The following UNC80 variants were observed in gnomAD, a reference collection of about 807,000 sequenced individuals.
The protein encoded by UNC80 is unc-80 subunit of NALCN channel complex.
Under a neutral mutation model 384.6 loss-of-function variants are expected in UNC80, and 164 were observed. That is an observed-to-expected ratio of 0.43 (90% CI 0.38 to 0.49). UNC80 has a LOEUF of 0.49. UNC80 is among the 20% of genes least tolerant of loss of function. The probability of loss-of-function intolerance (pLI) is 0.00; values close to 1 mark genes in which losing one functional copy is unlikely to be tolerated. For synonymous variants in UNC80, 1,486 were observed against 1,527.8 expected (o/e 0.97, Z 0.64); for missense variants, 3,330 against 4,143.0 (o/e 0.80, Z 5.39).
chr2:209,941,940 T>C (rs1358023839), intron 44 of UNC80, among the ~76,000 whole-genome samples: 1 of 152,094 alleles, frequency 6.6e-6, no homozygotes, highest in Non-Finnish European at 1.5e-5. Context: ...GAAAGAGAAA[T>C]GCACATTCTT....
intron 22 of UNC80, among the ~76,000 whole-genome samples, chr2:209,858,945 T>C (rs888048006): frequency 6.6e-6 from 1 of 152,172 alleles, no homozygotes. Flanking sequence ...TGCTTTGGTA[T>C]AGTTTCACAT....
chr2:209,816,911 C>A lies in UNC80; in HGVS notation c.1338C>A (p.Phe446Leu). Residue 446 changes from phenylalanine to leucine, a missense_variant and splice_region_variant, in exon 10 of 65, where the codon TTC becomes TTA. Physicochemically the swap from Phe to Leu is conservative, Grantham distance 22 (BLOSUM62 0). This residue lies in a region of UNC80 where 937 missense variants were observed against 1,026.8 expected (regional missense o/e 0.91). Transcript: ENST00000673920. ...SDLGMNIFKKFKSRKEDRERK... is the reference protein window; with the variant it reads ...SDLGMNIFKKLKSRKEDRERK... ...TTCTACACCTCTCATCACTGTAGTT[C>A]AAGAGCCGCAAAGAAGACCGAGAGA... 1 of 1,551,648 alleles carries A rather than the reference C, an allele frequency of 6.4e-7. No individual in the cohort carries two copies. Among genetic ancestry groups the A allele is most frequent in the Non-Finnish European group, 8.7e-7 (1 of 1,146,988 alleles).
At chr2:209,912,517 A>G (rs903118123) in intron 29 of UNC80, 43 bp from the exon 30 acceptor site, 2 of 1,403,474 alleles carry the variant, frequency 1.4e-6, no homozygotes, top group South Asian at 2.7e-5. Context: ...TTGGGTTTTT[A>G]GAAAACACAT....
At chr2:209,919,567 C>G (rs186421742) in intron 33 of UNC80, among the ~76,000 whole-genome samples, 3 of 152,326 alleles carry the variant, frequency 2.0e-5, no homozygotes, top group Admixed American at 2.0e-4. Context: ...TTTATTCATA[C>G]TTCTTTGAAA....
chr2:209,930,082 C>T, intron 37 of UNC80, 111 bp downstream of exon 37: 2 of 510,056 alleles, frequency 3.9e-6, no homozygotes, highest in Non-Finnish European at 6.6e-6. Context: ...CCCTCCAATA[C>T]ACAACCAATA....
chr2:209,953,819 G>A (rs147385101), intron 47 of UNC80, among the ~76,000 whole-genome samples: 1 of 152,218 alleles, frequency 6.6e-6, no homozygotes, highest in African/African-American at 2.4e-5. Context: ...TTATCATTCT[G>A]TTATTCTTTC....
intron 2 of UNC80, among the ~76,000 whole-genome samples, chr2:209,774,051 C>T (rs1381053223): frequency 6.6e-6 from 1 of 152,036 alleles, no homozygotes; most frequent in Non-Finnish European, 1.5e-5. Context: ...TATATTATAA[C>T]CTAAAAATGG....
chr2:209,840,111 C>A (rs1030032790), intron 19 of UNC80, among the ~76,000 whole-genome samples: 8 of 152,106 alleles, frequency 5.3e-5, no homozygotes, highest in African/African-American at 1.7e-4. Context: ...TGCAAAACTT[C>A]ACTGCATGGA....
Position 209,880,974 on chromosome 2 carries a change from C to T in UNC80, c.3990C>T (p.Pro1330=). 6.4e-7 allele frequency: 1 copy of T among 1,552,072 alleles called. No homozygotes were observed. Among genetic ancestry groups the T allele is most frequent in the Non-Finnish European group, 8.7e-7 (1 of 1,147,064 alleles). The change falls in exon 25 of 65, where the codon CCC becomes CCT. Residue 1330 remains proline (P), a synonymous_variant. Coordinates refer to ENST00000673920, the MANE Select transcript of UNC80 (RefSeq NM_001371986.1). ...TTCATTTCCTAGGTACTGTGAACCC[C>T]TCTAAATGCGGTTGCCCCTTTGCCT... ...EDFLDDSTVN[P]SKCGCPFALK... is the part of the protein sequence containing the mutation.
chr2:209,825,278 AG>A (rs1243788491), intron 13 of UNC80, among the ~76,000 whole-genome samples: 1 of 152,174 alleles, frequency 6.6e-6, no homozygotes, highest in Non-Finnish European at 1.5e-5. Flanking sequence ...ATTGGGCAAA[AG>A]ATAGGATGAT....
intron 43 of UNC80, among the ~76,000 whole-genome samples, chr2:209,940,815 T>C (rs2124978336): frequency 6.6e-6 from 1 of 152,060 alleles, no homozygotes; most frequent in East Asian, 1.9e-4. Flanking sequence ...AGACTCCATC[T>C]CAAAAAAACA....
At chr2:209,773,211 T>G in intron 2 of UNC80, 69 bp downstream of exon 2, 1 of 1,369,948 alleles carries the variant, frequency 7.3e-7, no homozygotes, top group African/African-American at 1.4e-5. Context: ...AAAGACAGAT[T>G]TTAAATCAAA....
intron 25 of UNC80, among the ~76,000 whole-genome samples, chr2:209,881,740 C>T (rs1436463215): frequency 1.3e-5 from 2 of 151,850 alleles, no homozygotes; most frequent in African/African-American, 2.4e-5. Flanking sequence ...TATGCAAGAA[C>T]CAGGCATGTT....
At chr2:209,893,437 C>T (rs370829053) in intron 26 of UNC80, among the ~76,000 whole-genome samples, 4 of 152,118 alleles carry the variant, frequency 2.6e-5, no homozygotes, top group African/African-American at 7.2e-5. Context: ...GTTTATTTTC[C>T]TCACTGATTA....
At position 209,943,340 on chromosome 2, in the gene UNC80, T is replaced by G. The variant is rs1181808259; in HGVS notation, c.6916-40T>G. 6 of 1,549,578 alleles carry G rather than the reference T, an allele frequency of 3.9e-6. No homozygotes were observed. The African/African-American group carries it at 6.9e-5, about 18-fold the overall frequency. The stretch of plus-strand genomic sequence containing the variant: ...TAAAAGCGAGTACAACTTTGATACT[T>G]CATTAAGGCATTTTTTGAATATCTG... On this transcript the variant is annotated intron_variant, in intron 44 of 64. Transcript: ENST00000673920.
intron 59 of UNC80, among the ~76,000 whole-genome samples, chr2:209,980,991 C>A (rs1300589305): frequency 1.3e-5 from 2 of 152,124 alleles, no homozygotes; most frequent in Non-Finnish European, 2.9e-5. Flanking sequence ...AAATATCATT[C>A]TATAACAAGA....
At position 209,995,320 on chromosome 2, in the gene UNC80, T is replaced by C. The variant is rs1419340319; in HGVS notation, c.9709-9T>C. The C allele has an allele frequency of 6.4e-7, 1 of 1,552,032 alleles. No homozygotes were observed. Among genetic ancestry groups the C allele is most frequent in the East Asian group, 2.4e-5 (1 of 40,924 alleles). On this transcript the variant is annotated splice_polypyrimidine_tract_variant and intron_variant, in intron 64 of 64. Transcript: ENST00000673920. ...TCTTTCCATAATGTTATGATCCTTT[T>C]GATCACAGAGTGAGAACTTCCCCAC...
chr2:209,984,962 C>T, intron 61 of UNC80, 50 bp downstream of exon 61: 6 of 1,459,686 alleles, frequency 4.1e-6, no homozygotes, highest in Non-Finnish European at 5.6e-6. Context: ...GGGAAACTAG[C>T]TGTTCCCTGT....
chr2:209,955,738 T>TATATATACAC (rs1437539911), intron 48 of UNC80, among the ~76,000 whole-genome samples: 30 of 53,532 alleles, frequency 5.6e-4, no homozygotes, highest in Non-Finnish European at 6.8e-4. Flanking sequence ...TATATATATA[T>TATATATACAC]ACACACACAC....
Sources: gnomAD v4.1 joint callset for allele counts (sites outside exome capture counted in the v4.1 genomes callset) on GRCh38, gnomAD v4.1.1 for gene constraint, gnomAD v4.1.1 regional missense constraint, MANE v1.5 for transcripts, NCBI Gene and HGNC (gene_info 2026-07-23, HGNC 2026-07-21) for gene names.